The following SUGCT variants were observed in gnomAD, a reference collection of about 807,000 sequenced individuals.
SUGCT encodes the protein succinyl-CoA:glutarate-CoA transferase.
Under a neutral mutation model 55.0 loss-of-function variants are expected in SUGCT, and 41 were observed. The ratio of observed to expected loss-of-function variants is 0.74; its 90% CI spans 0.58 to 0.97. The LOEUF (loss-of-function observed/expected upper bound fraction) is 0.97. Among genes scored for constraint, SUGCT ranks in the 50% least tolerant of loss-of-function variants. SUGCT has a pLI of 0.00. For missense variants in SUGCT, 568 were observed against 547.8 expected, an observed-to-expected ratio of 1.04 and a Z score of -0.37; for synonymous variants, 187 against 200.4, an observed-to-expected ratio of 0.93 and a Z score of 0.56.
At chr7:40,248,411 C>T (rs1790060205) in intron 7 of SUGCT, among the ~76,000 whole-genome samples, 1 of 152,078 alleles carries the variant, frequency 6.6e-6, no homozygotes, top group African/African-American at 2.4e-5. Flanking sequence ...TATCAATACA[C>T]TTGCTTTTAT....
At chr7:40,612,012 C>CCTT (rs369198545) in intron 12 of SUGCT, among the ~76,000 whole-genome samples, 1 of 145,222 alleles carries the variant, frequency 6.9e-6, no homozygotes, top group African/African-American at 2.5e-5. Context: ...ATTCCCCCCC[C>CCTT]TTTTTTTTTT....
intron 13 of SUGCT, among the ~76,000 whole-genome samples, chr7:40,830,398 G>A (rs553549307): frequency 6.6e-5 from 10 of 152,080 alleles, no homozygotes; most frequent in Admixed American, 5.2e-4. Flanking sequence ...TTTGCTCCCT[G>A]CACTAGTCAT....
At chr7:40,235,527 A>AT (rs1439591656) in intron 6 of SUGCT, among the ~76,000 whole-genome samples, 1 of 152,102 alleles carries the variant, frequency 6.6e-6, no homozygotes, top group Non-Finnish European at 1.5e-5. Context: ...GGGTTTCACC[A>AT]TGTTGGCCAG....
At chr7:40,358,053 C>G (rs1355366391) in intron 9 of SUGCT, among the ~76,000 whole-genome samples, 1 of 152,062 alleles carries the variant, frequency 6.6e-6, no homozygotes. Context: ...CACATAGATG[C>G]CCAATAAGTA....
chr7:40,699,738 G>A (rs1785095960), intron 12 of SUGCT, among the ~76,000 whole-genome samples: 1 of 152,024 alleles, frequency 6.6e-6, no homozygotes, highest in African/African-American at 2.4e-5. Flanking sequence ...GCCTGGTGGT[G>A]CACATCTGTA....
chr7:40,920,473 TCTC>T, the SUGCT span, among the ~76,000 whole-genome samples: 1 of 152,234 alleles, frequency 6.6e-6, no homozygotes, highest in Non-Finnish European at 1.5e-5. Context: ...GGGTGGGACT[TCTC>T]CAGGAATGAC....
intron 7 of SUGCT, among the ~76,000 whole-genome samples, chr7:40,263,598 A>G (rs1791368174): frequency 1.3e-5 from 2 of 152,230 alleles, no homozygotes; most frequent in Admixed American, 1.3e-4. Flanking sequence ...AGCCTTGTGT[A>G]GAGTAAGTTG....
intron 9 of SUGCT, among the ~76,000 whole-genome samples, chr7:40,372,925 C>A (rs1263589376): frequency 6.6e-6 from 1 of 151,864 alleles, no homozygotes; most frequent in Non-Finnish European, 1.5e-5. Context: ...ATTGATTTGT[C>A]ATGAAAAGGA....
At chr7:40,733,181 G>A (rs1171489578) in intron 12 of SUGCT, among the ~76,000 whole-genome samples, 2 of 152,176 alleles carry the variant, frequency 1.3e-5, no homozygotes, top group African/African-American at 4.8e-5. Context: ...CTCCATTTTA[G>A]TTTCTATGTA....
At chr7:40,774,097 A>AT (rs1246390624) in intron 13 of SUGCT, among the ~76,000 whole-genome samples, 1 of 152,018 alleles carries the variant, frequency 6.6e-6, no homozygotes, top group African/African-American at 2.4e-5. Flanking sequence ...CCTTTGTTAC[A>AT]TTTTTTTCTT....
At chr7:40,571,841 A>T (rs747392931) in intron 12 of SUGCT, among the ~76,000 whole-genome samples, 27 of 152,336 alleles carry the variant, frequency 1.8e-4, no homozygotes, top group African/African-American at 6.0e-4. Flanking sequence ...ATGATGTTCA[A>T]GTGTCTCAGG....
chr7:40,678,754 G>C (rs1274777530), intron 12 of SUGCT, among the ~76,000 whole-genome samples: 2 of 152,154 alleles, frequency 1.3e-5, no homozygotes, highest in African/African-American at 4.8e-5. Context: ...TTGTGCTTTA[G>C]GGCAGATATT....
the SUGCT span, among the ~76,000 whole-genome samples, chr7:40,948,121 T>G: frequency 6.6e-6 from 1 of 152,196 alleles, no homozygotes; most frequent in Non-Finnish European, 1.5e-5. Flanking sequence ...GTTGCATATC[T>G]TGGAGTTTCT....
chr7:40,280,167 C>T (rs565365484), intron 8 of SUGCT, among the ~76,000 whole-genome samples: 9 of 152,216 alleles, frequency 5.9e-5, no homozygotes, highest in African/African-American at 2.2e-4. Context: ...TCAAGTAGTT[C>T]CTTGTAGAGA....
At chr7:40,889,567 AC>A in the SUGCT span, among the ~76,000 whole-genome samples, 4 of 152,040 alleles carry the variant, frequency 2.6e-5, no homozygotes, top group African/African-American at 9.7e-5. Context: ...CCCATAATTC[AC>A]TACCTTGAGG....
At chr7:40,845,775 C>A (rs1287027940) in intron 13 of SUGCT, among the ~76,000 whole-genome samples, 2 of 152,090 alleles carry the variant, frequency 1.3e-5, no homozygotes, top group African/African-American at 4.8e-5. Flanking sequence ...GCCTAATTTT[C>A]TTGATTCTCT....
At chr7:40,867,558 G>T in the SUGCT span, among the ~76,000 whole-genome samples, 2 of 151,886 alleles carry the variant, frequency 1.3e-5, no homozygotes, top group African/African-American at 4.8e-5. Context: ...TGTATTAGTA[G>T]GAAAACATGC....
In SUGCT at chr7:40,336,807, C is replaced by T. The variant is rs573060602; in HGVS notation, c.816+19952C>T. 7.2e-5 allele frequency among the ~76,000 whole-genome samples: 11 copies of T among 152,258 alleles called. No individual in the cohort carries two copies. The South Asian group carries it at 2.1e-3, about 29-fold the overall frequency. On this transcript the variant is annotated intron_variant, in intron 9 of 13. Coordinates refer to ENST00000335693, the MANE Select transcript of SUGCT (RefSeq NM_001193313.2). ...TTCTGCTAGCTTTTGAATGTGTTTG[C>T]TCTTGCTCCTCTAGTTCTTTTAATT...
chr7:41,029,967 A>G, the SUGCT span, among the ~76,000 whole-genome samples: 1 of 152,162 alleles, frequency 6.6e-6, no homozygotes, highest in East Asian at 1.9e-4. Flanking sequence ...TTATCTCTAT[A>G]GCTTTTGTCC....
Sources: allele counts gnomAD v4.1 joint callset (sites outside exome capture counted in the v4.1 genomes callset), GRCh38; gene constraint gnomAD v4.1.1; transcripts MANE v1.5; gene names NCBI Gene and HGNC (gene_info 2026-07-23, HGNC 2026-07-21).